Variants in HNRNPA1L2 observed in about 807,000 individuals in gnomAD.
The protein encoded by HNRNPA1L2 is heterogeneous nuclear ribonucleoprotein A1-like 2.
A neutral mutation model predicts 18.2 loss-of-function variants in HNRNPA1L2; 10 were observed. That is an observed-to-expected ratio of 0.55 (90% CI 0.34 to 0.93). The LOEUF (loss-of-function observed/expected upper bound fraction) is 0.93, where lower values mean the gene tolerates loss of function less well. Ranked by LOEUF, HNRNPA1L2 falls within the 40% of genes least tolerant of loss-of-function variation. The pLI, the probability that HNRNPA1L2 is intolerant of heterozygous loss-of-function variation, is 0.02. For synonymous variants in HNRNPA1L2, 124 were observed against 138.6 expected (o/e 0.89, Z 0.74); for missense variants, 308 against 394.4 (o/e 0.78, Z 1.85).
At chr13:52,642,419 A>G, upstream of HNRNPA1L2, 1 of 1,570,360 alleles carries the variant, frequency 6.4e-7, no homozygotes, top group Admixed American at 1.8e-5. Context: ...CATATCTAAG[A>G]TCTCTGGTGG....
chr13:52,642,489 C>G lies in HNRNPA1L2; in HGVS notation c.-4C>G. ...TCGTTAAAGTCTCTCTTCACCTTGC[C>G]GTCATGTCTAAGTCAGCGTCTCCAA... On this transcript the variant is annotated 5_prime_UTR_variant, in exon 1 of 1. Transcript: ENST00000357495. 6.2e-7 allele frequency: 1 copy of G among 1,611,538 alleles called. No individual in the cohort carries two copies. Among genetic ancestry groups the G allele is most frequent in the Non-Finnish European group, 8.5e-7 (1 of 1,179,742 alleles).
chr13:52,624,214 A>C, the HNRNPA1L2 span, among the ~76,000 whole-genome samples: 2 of 152,176 alleles, frequency 1.3e-5, no homozygotes, highest in Admixed American at 1.3e-4. Flanking sequence ...TCCTGGGTTC[A>C]AGCAGTTCTC....
At chr13:52,636,125 G>A in the HNRNPA1L2 span, among the ~76,000 whole-genome samples, 15 of 152,228 alleles carry the variant, frequency 9.9e-5, no homozygotes, top group East Asian at 1.4e-3. Context: ...GCGAGCTACC[G>A]TGCCCGGCTG....
chr13:52,629,130 C>G, the HNRNPA1L2 span: 2 of 152,382 alleles, frequency 1.3e-5, no homozygotes, highest in Non-Finnish European at 2.9e-5. Flanking sequence ...CCCGCCTTGG[C>G]CTCCCAAAAT....
At chr13:52,626,653 T>C in the HNRNPA1L2 span, among the ~76,000 whole-genome samples, 4 of 152,100 alleles carry the variant, frequency 2.6e-5, no homozygotes, top group Non-Finnish European at 5.9e-5. Flanking sequence ...GTATTATATA[T>C]ACCTTCACCC....
chr13:52,617,630 G>T, the HNRNPA1L2 span: 1 of 472,002 alleles, frequency 2.1e-6, no homozygotes, highest in Non-Finnish European at 3.9e-6. Context: ...TGGAAGCCCG[G>T]AGACATCAGC....
At position 52,643,162 on chromosome 13, in the gene HNRNPA1L2, G is replaced by A. The variant is rs145591028; in HGVS notation, c.670G>A (p.Gly224Ser). ...CTTTGGTCGTGGAGGAAACTTCAGT[G>A]GTCGTGGTGGCTTTGGTGGCAGCTG... is the stretch of plus-strand genomic sequence containing the variant. ...DNFGRGGNFS[G>S]RGGFGGSCGG... The change falls in exon 1 of 1, where the codon GGT becomes AGT. Residue 224 changes from glycine (G) to serine (S), a missense_variant. By Grantham distance (56) the Gly-to-Ser change is moderately conservative (BLOSUM62 0). Coordinates refer to ENST00000357495, the MANE Select transcript of HNRNPA1L2 (RefSeq NM_001389320.1). The A allele has an allele frequency of 1.3e-4, 208 of 1,598,108 alleles. No homozygotes were observed. The African/African-American group carries it at 2.6e-3, about 20-fold the overall frequency.
At chr13:52,627,691 A>G in the HNRNPA1L2 span, 1 of 152,250 alleles carries the variant, frequency 6.6e-6, no homozygotes, top group Non-Finnish European at 1.5e-5. Context: ...ATTTACATAT[A>G]GAATATACCA....
At chr13:52,624,886 C>G in the HNRNPA1L2 span, among the ~76,000 whole-genome samples, 2 of 151,914 alleles carry the variant, frequency 1.3e-5, no homozygotes, top group African/African-American at 2.4e-5. Context: ...CAAAAATTAG[C>G]CGGGTGTGGT....
At chr13:52,639,883 T>G (rs569373424), upstream of HNRNPA1L2, among the ~76,000 whole-genome samples, 408 of 115,180 alleles carry the variant, frequency 3.5e-3, 4 homozygotes, top group Admixed American at 0.011. Flanking sequence ...CTTGTTTTTT[T>G]TTTTTTTTTT....
At chr13:52,623,269 A>G in the HNRNPA1L2 span, among the ~76,000 whole-genome samples, 1 of 152,212 alleles carries the variant, frequency 6.6e-6, no homozygotes, top group Non-Finnish European at 1.5e-5. Flanking sequence ...TTAATTAACT[A>G]TTACAGAAAT....
At chr13:52,623,005 C>G in the HNRNPA1L2 span, among the ~76,000 whole-genome samples, 2 of 152,082 alleles carry the variant, frequency 1.3e-5, no homozygotes, top group African/African-American at 4.8e-5. Flanking sequence ...AATGATTTAA[C>G]ATTTTAATGG....
At chr13:52,622,613 A>T in the HNRNPA1L2 span, among the ~76,000 whole-genome samples, 1 of 152,200 alleles carries the variant, frequency 6.6e-6, no homozygotes, top group African/African-American at 2.4e-5. Context: ...CTTGATTTGA[A>T]GGTAGCTTCA....
the HNRNPA1L2 span, among the ~76,000 whole-genome samples, chr13:52,632,810 T>C: frequency 2.6e-5 from 4 of 152,242 alleles, no homozygotes; most frequent in Admixed American, 6.5e-5. Context: ...TAAGCTTATA[T>C]GCTGGCTGTT....
chr13:52,625,443 A>G, the HNRNPA1L2 span, among the ~76,000 whole-genome samples: 1 of 152,158 alleles, frequency 6.6e-6, no homozygotes, highest in Non-Finnish European at 1.5e-5. Flanking sequence ...TTCTCATTAC[A>G]TTGTTAAAAT....
the HNRNPA1L2 span, among the ~76,000 whole-genome samples, chr13:52,622,775 T>A: frequency 6.6e-6 from 1 of 152,224 alleles, no homozygotes; most frequent in Non-Finnish European, 1.5e-5. Flanking sequence ...CAGAGCATTG[T>A]AATTACTTGT....
chr13:52,635,623 C>A, the HNRNPA1L2 span, among the ~76,000 whole-genome samples: 1 of 133,258 alleles, frequency 7.5e-6, no homozygotes, highest in Non-Finnish European at 1.6e-5. Context: ...CACACACACA[C>A]AATGCAGGCA....
chr13:52,642,311 C>T (rs1961683215), upstream of HNRNPA1L2: 1 of 779,448 alleles, frequency 1.3e-6, no homozygotes, highest in African/African-American at 1.7e-5. Flanking sequence ...GTCTTTCTTC[C>T]TGTACATACA....
chr13:52,636,008 TGTA>T, the HNRNPA1L2 span, among the ~76,000 whole-genome samples: 1 of 152,082 alleles, frequency 6.6e-6, no homozygotes, highest in African/African-American at 2.4e-5. Context: ...AGCTAATTTT[TGTA>T]TTTTTAGTAA....
Sources: gnomAD v4.1 joint callset for allele counts (sites outside exome capture counted in the v4.1 genomes callset) on GRCh38, gnomAD v4.1.1 for gene constraint, MANE v1.5 for transcripts, NCBI Gene and HGNC (gene_info 2026-07-23, HGNC 2026-07-21) for gene names.